HS3ST4: variants seen among roughly 807,000 people sequenced by gnomAD.
HS3ST4 encodes heparan sulfate glucosamine 3-O-sulfotransferase 4.
HS3ST4 carries 17 observed loss-of-function variants against 29.2 expected under a neutral mutation model. The ratio of observed to expected loss-of-function variants is 0.58; its 90% CI spans 0.40 to 0.87. The LOEUF (loss-of-function observed/expected upper bound fraction) is 0.87, where lower values mean the gene tolerates loss of function less well. Ranked by LOEUF, HS3ST4 falls within the 40% of genes least tolerant of loss-of-function variation. HS3ST4 has a pLI of 0.00. For synonymous variants in HS3ST4, 314 were observed against 285.7 expected, an observed-to-expected ratio of 1.10 and a Z score of -1.00; for missense variants, 627 against 634.5, an observed-to-expected ratio of 0.99 and a Z score of 0.13.
At chr16:25,812,450 C>T (rs778783594) in intron 1 of HS3ST4, among the ~76,000 whole-genome samples, 2 of 152,170 alleles carry the variant, frequency 1.3e-5, no homozygotes, top group Non-Finnish European at 2.9e-5. Context: ...GCCTAATAGT[C>T]TTCTAGTCTT....
chr16:25,778,695 G>T (rs1317435978), intron 1 of HS3ST4, among the ~76,000 whole-genome samples: 1 of 152,090 alleles, frequency 6.6e-6, no homozygotes, highest in Non-Finnish European at 1.5e-5. Flanking sequence ...TCTTGAAGAA[G>T]AAGAAAGAGG....
chr16:25,983,837 A>G (rs578074729), intron 1 of HS3ST4, among the ~76,000 whole-genome samples: 34 of 152,324 alleles, frequency 2.2e-4, no homozygotes, highest in Non-Finnish European at 4.1e-4. Context: ...TTGGTGGTTT[A>G]TTAAAGGACA....
chr16:26,066,073 C>G (rs1898538590), intron 1 of HS3ST4, among the ~76,000 whole-genome samples: 1 of 152,186 alleles, frequency 6.6e-6, no homozygotes, highest in South Asian at 2.1e-4. Context: ...TATGCCATAT[C>G]TTTACAATCT....
intron 1 of HS3ST4, among the ~76,000 whole-genome samples, chr16:25,747,379 A>AGCTTTT (rs1289770286): frequency 6.6e-6 from 1 of 152,146 alleles, no homozygotes; most frequent in Non-Finnish European, 1.5e-5. Context: ...GGCAAAGCTG[A>AGCTTTT]GCTTTTGCTT....
chr16:26,057,121 A>T (rs1363996385), intron 1 of HS3ST4, among the ~76,000 whole-genome samples: 1 of 152,230 alleles, frequency 6.6e-6, no homozygotes, highest in East Asian at 1.9e-4. Flanking sequence ...ATGCTCAGCC[A>T]GTAAGTACAT....
chr16:25,839,161 C>G (rs1347736522), intron 1 of HS3ST4, among the ~76,000 whole-genome samples: 1 of 152,198 alleles, frequency 6.6e-6, no homozygotes, highest in Admixed American at 6.5e-5. Context: ...CCTTTAAAAA[C>G]AGATCTCTAA....
chr16:25,738,151 T>TCTTCGG (rs1265750713), intron 1 of HS3ST4, among the ~76,000 whole-genome samples: 1 of 151,980 alleles, frequency 6.6e-6, no homozygotes, highest in Non-Finnish European at 1.5e-5. Context: ...TGATCTACCC[T>TCTTCGG]CCTCGGCCTG....
intron 1 of HS3ST4, among the ~76,000 whole-genome samples, chr16:25,811,422 C>CTTT (rs5816324): frequency 2.3e-5 from 3 of 129,062 alleles, no homozygotes; most frequent in East Asian, 2.4e-4. Context: ...TTTTCTTCTT[C>CTTT]TTTTTTTTTT....
At chr16:25,828,301 C>CTCTCCCTCT (rs1555467593) in intron 1 of HS3ST4, among the ~76,000 whole-genome samples, 1 of 32,882 alleles carries the variant, frequency 3.0e-5, no homozygotes. Flanking sequence ...TCTTTCTTTC[C>CTCTCCCTCT]CTCTCTCTCT....
At chr16:26,037,450 C>T (rs113024974) in intron 1 of HS3ST4, among the ~76,000 whole-genome samples, 1,840 of 152,152 alleles carry the variant, frequency 0.012, 35 homozygotes, top group African/African-American at 0.04. Flanking sequence ...CTCACACACT[C>T]GGAAAAAGCA....
intron 1 of HS3ST4, among the ~76,000 whole-genome samples, chr16:25,861,782 C>G (rs186827545): frequency 2.7e-3 from 415 of 152,286 alleles, no homozygotes; most frequent in African/African-American, 9.2e-3. Flanking sequence ...CACTTATCCT[C>G]CCTTAACAGT....
chr16:25,882,793 C>A (rs28665319), intron 1 of HS3ST4, among the ~76,000 whole-genome samples: 2 of 152,170 alleles, frequency 1.3e-5, no homozygotes, highest in African/African-American at 4.8e-5. Context: ...TCACTGTCTT[C>A]ACCAGATGCC....
chr16:25,997,716 A>G (rs1232476674), intron 1 of HS3ST4, among the ~76,000 whole-genome samples: 3 of 152,168 alleles, frequency 2.0e-5, no homozygotes, highest in African/African-American at 4.8e-5. Flanking sequence ...AAATTAGTCA[A>G]CTTTTCCCAG....
chr16:25,833,452 C>G (rs1398649785), intron 1 of HS3ST4, among the ~76,000 whole-genome samples: 1 of 152,120 alleles, frequency 6.6e-6, no homozygotes, highest in East Asian at 1.9e-4. Flanking sequence ...TTGTAGTATT[C>G]ATACCATGGT....
chr16:26,081,038 C>A (rs574729160), intron 1 of HS3ST4, among the ~76,000 whole-genome samples: 1 of 152,228 alleles, frequency 6.6e-6, no homozygotes, highest in East Asian at 1.9e-4. Context: ...AAAATCTCAT[C>A]AACTTTGGAA....
chr16:26,090,747 A>G (rs578101666), intron 1 of HS3ST4, among the ~76,000 whole-genome samples: 1 of 152,276 alleles, frequency 6.6e-6, no homozygotes, highest in African/African-American at 2.4e-5. Context: ...CACAACAAAG[A>G]AAATTGGTAA....
intron 1 of HS3ST4, among the ~76,000 whole-genome samples, chr16:25,772,713 G>A (rs1966844033): frequency 6.6e-6 from 1 of 152,222 alleles, no homozygotes; most frequent in Non-Finnish European, 1.5e-5. Flanking sequence ...TTTGAAAAGT[G>A]AGAGACATTT....
At chr16:26,089,060 G>T (rs780136481) in intron 1 of HS3ST4, among the ~76,000 whole-genome samples, 2 of 152,182 alleles carry the variant, frequency 1.3e-5, no homozygotes, top group Admixed American at 6.5e-5. Context: ...TCCCACAAGG[G>T]TTAGTGGGGT....
chr16:26,021,966 A>G (rs983204352), intron 1 of HS3ST4, among the ~76,000 whole-genome samples: 12 of 150,320 alleles, frequency 8.0e-5, no homozygotes, highest in African/African-American at 2.4e-5. Flanking sequence ...CCAGCCTACT[A>G]TTATTATTTT....
Sources: gnomAD v4.1 joint callset for allele counts (sites outside exome capture counted in the v4.1 genomes callset) on GRCh38, gnomAD v4.1.1 for gene constraint, MANE v1.5 for transcripts, NCBI Gene and HGNC (gene_info 2026-07-23, HGNC 2026-07-21) for gene names.